ABCA1: variants seen among roughly 807,000 people sequenced by gnomAD.
The protein encoded by ABCA1 is ATP binding cassette subfamily A member 1, also known as phospholipid-transporting ATPase ABCA1.
A neutral mutation model predicts 262.5 loss-of-function variants in ABCA1; 133 were observed. The ratio of observed to expected loss-of-function variants is 0.51; its 90% confidence interval spans 0.44 to 0.59. The LOEUF (loss-of-function observed/expected upper bound fraction) is 0.59, where lower values mean the gene tolerates loss of function less well. Ranked by LOEUF, ABCA1 falls within the 20% of genes least tolerant of loss-of-function variation. The pLI is 0.00. For missense variants in ABCA1, 2,452 were observed against 2,777.5 expected, an observed-to-expected ratio of 0.88 and a Z score of 2.63; for synonymous variants, 1,022 against 1,043.5, an observed-to-expected ratio of 0.98 and a Z score of 0.40.
chr9:104,921,320 GAA>G (rs1842130037), intron 1 of ABCA1, among the ~76,000 whole-genome samples: 1 of 152,084 alleles, frequency 6.6e-6, no homozygotes, highest in Admixed American at 6.5e-5. Flanking sequence ...CACCCCCCAA[GAA>G]AAGACTTTAT....
chr9:104,898,141 A>G (rs570934906), intron 2 of ABCA1, among the ~76,000 whole-genome samples: 1 of 152,268 alleles, frequency 6.6e-6, no homozygotes, highest in East Asian at 1.9e-4. Context: ...TGGTCCATGT[A>G]TATGTAATGA....
intron 5 of ABCA1, among the ~76,000 whole-genome samples, chr9:104,877,867 A>G (rs1361797021): frequency 6.6e-6 from 1 of 152,240 alleles, no homozygotes; most frequent in Non-Finnish European, 1.5e-5. Context: ...TCCAATCTTC[A>G]ATCATTTACA....
chr9:104,812,506 T>C, intron 28 of ABCA1, 68 bp downstream of exon 28: 1 of 1,602,592 alleles, frequency 6.2e-7, no homozygotes, highest in African/African-American at 1.3e-5. Flanking sequence ...CTATCCTGCC[T>C]TCACTGGTCA....
intron 7 of ABCA1, chr9:104,855,717 T>G (rs1473629448): frequency 1.3e-6 from 2 of 1,541,110 alleles, no homozygotes; most frequent in South Asian, 2.4e-5. Flanking sequence ...ACTAAATAAT[T>G]TATCCGACAT....
intron 20 of ABCA1, among the ~76,000 whole-genome samples, chr9:104,820,926 G>C (rs1415159673): frequency 1.3e-5 from 2 of 152,130 alleles, no homozygotes; most frequent in Admixed American, 1.3e-4. Flanking sequence ...AGGTGTTCAC[G>C]GAGGTGAGCC....
intron 5 of ABCA1, among the ~76,000 whole-genome samples, chr9:104,869,478 T>C (rs1447127613): frequency 6.6e-6 from 1 of 152,198 alleles, no homozygotes; most frequent in Non-Finnish European, 1.5e-5. Context: ...TGGTAACAAA[T>C]ACACTCCAGT....
intron 7 of ABCA1, among the ~76,000 whole-genome samples, chr9:104,848,820 C>T (rs1835128226): frequency 1.3e-5 from 2 of 152,072 alleles, no homozygotes; most frequent in South Asian, 2.1e-4. Context: ...ATACTACAAT[C>T]TGCTTCAGAC....
intron 42 of ABCA1, 56 bp downstream of exon 42, chr9:104,792,730 A>G: frequency 1.2e-6 from 2 of 1,613,056 alleles, no homozygotes; most frequent in Non-Finnish European, 1.7e-6. Flanking sequence ...GCTGGGTTAC[A>G]GCACATAAAG....
chr9:104,795,048 T>C (rs1268091672), intron 39 of ABCA1, among the ~76,000 whole-genome samples: 1 of 152,216 alleles, frequency 6.6e-6, no homozygotes, highest in Non-Finnish European at 1.5e-5. Context: ...AGGAAAAGTA[T>C]GTAAACAGGA....
intron 1 of ABCA1, among the ~76,000 whole-genome samples, chr9:104,921,583 T>C (rs1334096676): frequency 1.3e-5 from 2 of 152,214 alleles, no homozygotes; most frequent in African/African-American, 4.8e-5. Flanking sequence ...AACTTAAGTA[T>C]GCACTAAAAT....
At chr9:104,916,984 TC>T (rs1453415133) in intron 1 of ABCA1, among the ~76,000 whole-genome samples, 1 of 152,144 alleles carries the variant, frequency 6.6e-6, no homozygotes, top group African/African-American at 2.4e-5. Context: ...GACCCCAACA[TC>T]AAAAATATGT....
rs760973153 is a variant in ABCA1 at position 104,832,718 on chromosome 9, G to C, written c.1365C>G (p.Gly455=). ...NDHFWEQQLD[G]LDWTAQDIVA... Reference sequence around the variant, plus strand: ...CGATGTCTTGGGCTGTCCAATCTAAGCCATCCAACTGCTGTTCCCAAAAGT... The same window carrying C: ...CGATGTCTTGGGCTGTCCAATCTAACCCATCCAACTGCTGTTCCCAAAAGT... Residue 455 remains glycine, a synonymous_variant, in exon 12 of 50, where the codon GGC becomes GGG. Coordinates refer to ENST00000374736, the MANE Select transcript of ABCA1 (RefSeq NM_005502.4). 6.2e-7 allele frequency: 1 copy of C among 1,614,212 alleles called. No homozygotes were observed. Among genetic ancestry groups the C allele is most frequent in the East Asian group, 2.2e-5 (1 of 44,884 alleles).
chr9:104,918,356 G>C (rs573872309), intron 1 of ABCA1, among the ~76,000 whole-genome samples: 158 of 152,176 alleles, frequency 1.0e-3, no homozygotes, highest in Non-Finnish European at 1.7e-3. Context: ...GAGAAAACCA[G>C]CTATAGTTCC....
chr9:104,903,338 G>A (rs1307652856), intron 2 of ABCA1, among the ~76,000 whole-genome samples: 1 of 152,108 alleles, frequency 6.6e-6, no homozygotes, highest in East Asian at 1.9e-4. Flanking sequence ...GGGTGCTCAG[G>A]GGCGATTCGG....
intron 11 of ABCA1, among the ~76,000 whole-genome samples, chr9:104,833,259 G>A (rs951701361): frequency 2.0e-5 from 3 of 152,126 alleles, no homozygotes; most frequent in Admixed American, 6.5e-5. Context: ...ACAGCTCACC[G>A]CAGCCTTGAC....
intron 45 of ABCA1, 98 bp downstream of exon 45, chr9:104,788,328 G>A: frequency 6.4e-7 from 1 of 1,564,144 alleles, no homozygotes; most frequent in Non-Finnish European, 8.8e-7. Context: ...GCATTCATGA[G>A]GAAAAACAGC....
Position 104,785,492 on chromosome 9 carries a change from T to G in ABCA1, c.6549A>C (p.Ser2183=). 2.6e-6 allele frequency: 4 copies of G among 1,543,352 alleles called. No homozygotes were observed. The highest frequency in any genetic ancestry group is 2.5e-5 in the East Asian group (1 of 40,004). The change falls in exon 49 of 50, where the codon TCA becomes TCC. Residue 2183 remains serine (S), a synonymous_variant. Coordinates refer to ENST00000374736, the MANE Select transcript of ABCA1 (RefSeq NM_005502.4). ...TGAATATCCTGGCCAGAGAAGATAATGAAGATGGAAGCTGGTATTGTAGCA... is the reference window on the plus strand; with the variant it reads ...TGAATATCCTGGCCAGAGAAGATAAGGAAGATGGAAGCTGGTATTGTAGCA... ...RNMLQYQLPS[S]LSSLARIFSI...
At chr9:104,919,209 T>A (rs1842002943) in intron 1 of ABCA1, among the ~76,000 whole-genome samples, 1 of 152,154 alleles carries the variant, frequency 6.6e-6, no homozygotes, top group South Asian at 2.1e-4. Context: ...AGTCCAATTC[T>A]CCTCCTAGGA....
At position 104,840,632 on chromosome 9, in the gene ABCA1, C is replaced by G. The variant is rs1834284174; in HGVS notation, c.814-113G>C. On this transcript the variant is annotated intron_variant, in intron 8 of 49. Transcript: ENST00000374736. ...TCTTATTTTCTTGACCTCTCAAAAG[C>G]CATGTCCCAGAACATATTTTGTCTG... 9.0e-6 allele frequency: 10 copies of G among 1,114,082 alleles called. No homozygotes were observed. The East Asian group carries it at 2.6e-4, about 29-fold the overall frequency. 69.0% of individuals were successfully genotyped at this position (1,114,082 alleles called of 1,614,324 possible). A position where few individuals can be genotyped will look rare whatever the true frequency, so the allele number is the denominator to read the frequency against.
Sources: allele counts gnomAD v4.1 joint callset (sites outside exome capture counted in the v4.1 genomes callset), GRCh38; gene constraint gnomAD v4.1.1; transcripts MANE v1.5; gene names NCBI Gene and HGNC (gene_info 2026-07-23, HGNC 2026-07-21).